AP5Z1: variants seen among roughly 807,000 people sequenced by gnomAD.
AP5Z1 encodes adaptor related protein complex 5 subunit zeta 1, also known as AP-5 complex subunit zeta-1.
A neutral mutation model predicts 83.0 loss-of-function variants in AP5Z1; 106 were observed. The ratio of observed to expected loss-of-function variants is 1.28; its 90% confidence interval spans 1.09 to 1.50. The LOEUF (loss-of-function observed/expected upper bound fraction) is 1.50, where lower values mean the gene tolerates loss of function less well. Among genes scored for constraint, AP5Z1 ranks in the 40% most tolerant of loss-of-function variants. AP5Z1 has a pLI of 0.00. For missense variants in AP5Z1, 1,565 were observed against 1,094.2 expected (o/e 1.43, Z -6.07); for synonymous variants, 751 against 514.1 (o/e 1.46, Z -6.23).
intron 3 of AP5Z1, 99 bp from the exon 4 acceptor site, chr7:4,783,217 G>A (rs1014328336): frequency 1.8e-5 from 26 of 1,452,818 alleles, no homozygotes; most frequent in African/African-American, 2.8e-5. Flanking sequence ...GGGTCTCAGC[G>A]ACCGACGCTT....
Position 4,791,698 on chromosome 7 carries a change from G to GT in AP5Z1, c.*318dup. 2 of 450,052 alleles carry GT rather than the reference G, an allele frequency of 4.4e-6. No individual in the cohort carries two copies. The highest frequency in any genetic ancestry group is 7.9e-6 in the Non-Finnish European group (2 of 252,758). 27.9% of individuals were successfully genotyped at this position (450,052 alleles called of 1,614,324 possible). Reference sequence around the variant, plus strand: ...TGCTGGGTCTGTTTCCTAGTCTTTTGTTTTTGGACAGTTGATGGGCAAGAA... The same window carrying GT: ...TGCTGGGTCTGTTTCCTAGTCTTTTGTTTTTTGGACAGTTGATGGGCAAGAA... On this transcript the variant is annotated 3_prime_UTR_variant, in exon 17 of 17. Transcript: ENST00000649063.
chr7:4,788,063 T>G, intron 11 of AP5Z1, 91 bp from the exon 12 acceptor site: 1 of 1,441,034 alleles, frequency 6.9e-7, no homozygotes, highest in Non-Finnish European at 9.1e-7. Flanking sequence ...TGCTGTGATA[T>G]TAGGGACACC....
chr7:4,788,123 C>G, intron 11 of AP5Z1, 31 bp from the exon 12 acceptor site: 2 of 1,499,514 alleles, frequency 1.3e-6, no homozygotes, highest in South Asian at 1.3e-5. Flanking sequence ...GGGCCGCATC[C>G]CAGCCTGGCC....
chr7:4,782,014 A>C (rs537798815), intron 3 of AP5Z1, among the ~76,000 whole-genome samples: 46 of 152,262 alleles, frequency 3.0e-4, no homozygotes, highest in African/African-American at 1.0e-3. Flanking sequence ...TGAGACAGCG[A>C]GTCAGTGGAG....
At chr7:4,789,777 C>G in intron 13 of AP5Z1, 55 bp from the exon 14 acceptor site, 1 of 1,446,262 alleles carries the variant, frequency 6.9e-7, no homozygotes, top group Non-Finnish European at 9.5e-7. Flanking sequence ...CACCCCCAAC[C>G]TTAGGGCCTG....
At chr7:4,780,768 G>A (rs1170925127) in intron 1 of AP5Z1, among the ~76,000 whole-genome samples, 1 of 151,664 alleles carries the variant, frequency 6.6e-6, no homozygotes, top group African/African-American at 2.4e-5. Context: ...TCCATCTCGG[G>A]GAAAAAAAAA....
chr7:4,781,769 A>G lies in AP5Z1; in HGVS notation c.366+15A>G, dbSNP rs952491125. 3 of 1,536,690 alleles carry G rather than the reference A, an allele frequency of 2.0e-6. No individual in the cohort carries two copies. Among genetic ancestry groups the G allele is most frequent in the Non-Finnish European group, 2.6e-6 (3 of 1,133,292 alleles). On this transcript the variant is annotated intron_variant, in intron 3 of 16. Coordinates refer to ENST00000649063, the MANE Select transcript of AP5Z1 (RefSeq NM_014855.3). Reference sequence around the variant, plus strand: ...TCTTGGCCCAGGTAGCGCAGCAGTCACCACCCCAGTTGGCACCGGATGGCT... The same window carrying G: ...TCTTGGCCCAGGTAGCGCAGCAGTCGCCACCCCAGTTGGCACCGGATGGCT...
At chr7:4,788,410 C>G (rs1216215515) in intron 12 of AP5Z1, 116 bp downstream of exon 12, 1 of 1,283,938 alleles carries the variant, frequency 7.8e-7, no homozygotes, top group Non-Finnish European at 1.0e-6. Flanking sequence ...GTGTCCCACA[C>G]AAGGCTGCGT....
chr7:4,776,590 C>G (rs1012821150), intron 1 of AP5Z1, among the ~76,000 whole-genome samples: 4 of 149,494 alleles, frequency 2.7e-5, no homozygotes, highest in African/African-American at 9.9e-5. Context: ...AAAAAATTAG[C>G]CGGGCGTGGT....
chr7:4,789,911 A>C lies in AP5Z1; in HGVS notation c.1787A>C (p.Tyr596Ser), dbSNP rs189075558. ...GACTCGCTCTACCCGGCCCCAGGGT[A>C]CGCTGCCGGTGTGCACAGGTAGGTC... ...RSDSLYPAPG[Y>S]AAGVHSVLSS... Residue 596 changes from tyrosine (Y) to serine (S), a missense_variant, in exon 14 of 17, where the codon TAC becomes TCC. Physicochemically the swap from Tyr to Ser is moderately radical, Grantham distance 144 (BLOSUM62 -2). Coordinates refer to ENST00000649063, the MANE Select transcript of AP5Z1 (RefSeq NM_014855.3). 27 of 1,548,286 alleles carry C rather than the reference A, an allele frequency of 1.7e-5. No homozygotes were observed. The African/African-American group carries it at 3.4e-4, about 20-fold the overall frequency.
chr7:4,786,562 T>G (rs1781551387), intron 10 of AP5Z1, 134 bp downstream of exon 10: 1 of 1,016,406 alleles, frequency 9.8e-7, no homozygotes, highest in Non-Finnish European at 1.4e-6. Flanking sequence ...TGGAATGCGG[T>G]GTGCAGGGTG....
rs372643424 is a variant in AP5Z1, at chr7:4,791,407, C to T, written c.*22C>T. The stretch of plus-strand genomic sequence containing the variant: ...GTGAAGGGACAGTGGCCAGGGACTT[C>T]GGTGCAGATTAAGAGCCTGGGCAGC... On this transcript the variant is annotated 3_prime_UTR_variant, in exon 17 of 17. Coordinates refer to ENST00000649063, the MANE Select transcript of AP5Z1 (RefSeq NM_014855.3). 93 of 1,589,152 alleles carry T rather than the reference C, an allele frequency of 5.9e-5. No individual in the cohort carries two copies. The highest frequency in any genetic ancestry group is 2.4e-4 in the Admixed American group (14 of 57,642).
Position 4,790,486 on chromosome 7 carries a change from G to C in AP5Z1, c.1833G>C (p.Leu611=). 2 of 1,613,194 alleles carry C rather than the reference G, an allele frequency of 1.2e-6. No homozygotes were observed. Among genetic ancestry groups the C allele is most frequent in the Non-Finnish European group, 1.7e-6 (2 of 1,179,860 alleles). ...TGCTGAGTTCTCAGTTCCTGGCCCT[G>C]TGTACGCTGAAACCCTCCCTGGTGG... ...HSVLSSQFLA[L]CTLKPSLVVE... The change falls in exon 15 of 17, where the codon CTG becomes CTC. Residue 611 remains leucine, a synonymous_variant. Coordinates refer to ENST00000649063, the MANE Select transcript of AP5Z1 (RefSeq NM_014855.3).
In AP5Z1 at chr7:4,791,486, G is replaced by C; in HGVS notation, c.*101G>C. The C allele has an allele frequency of 2.1e-6, 3 of 1,457,092 alleles. No homozygotes were observed. The highest frequency in any genetic ancestry group is 2.7e-6 in the Non-Finnish European group (3 of 1,094,910). 90.3% of individuals were successfully genotyped at this position (1,457,092 alleles called of 1,614,324 possible). A position where few individuals can be genotyped will look rare whatever the true frequency, so the allele number is the denominator to read the frequency against. On this transcript the variant is annotated 3_prime_UTR_variant, in exon 17 of 17. Coordinates refer to ENST00000649063, the MANE Select transcript of AP5Z1 (RefSeq NM_014855.3). Reference sequence around the variant, plus strand: ...GAGCTCAGGAGGGCGCGGGAGTCCTGGGAGAGGAGGCAAGGCCCACGGTGG... The same window carrying C: ...GAGCTCAGGAGGGCGCGGGAGTCCTCGGAGAGGAGGCAAGGCCCACGGTGG...
At chr7:4,779,063 T>G (rs893234200) in intron 1 of AP5Z1, among the ~76,000 whole-genome samples, 2 of 140,450 alleles carry the variant, frequency 1.4e-5, no homozygotes, top group Non-Finnish European at 3.1e-5. Flanking sequence ...TAGATAGATA[T>G]AAAAATATAT....
chr7:4,789,066 C>A, intron 13 of AP5Z1, 115 bp downstream of exon 13: 1 of 892,174 alleles, frequency 1.1e-6, no homozygotes, highest in Non-Finnish European at 1.7e-6. Flanking sequence ...CCGCCACACC[C>A]ACCATCCACG....
intron 13 of AP5Z1, 73 bp downstream of exon 13, chr7:4,789,024 G>A: frequency 7.5e-7 from 1 of 1,341,310 alleles, no homozygotes. Context: ...CCAGCACTGG[G>A]GGGCCCTCTT....
intron 1 of AP5Z1, among the ~76,000 whole-genome samples, chr7:4,777,071 C>A (rs183900222): frequency 6.6e-6 from 1 of 152,112 alleles, no homozygotes; most frequent in Admixed American, 6.6e-5. Context: ...TCAAAATAAC[C>A]CTTAAGAGTC....
At chr7:4,782,554 T>C (rs1452467957) in intron 3 of AP5Z1, among the ~76,000 whole-genome samples, 1 of 152,064 alleles carries the variant, frequency 6.6e-6, no homozygotes, top group African/African-American at 2.4e-5. Flanking sequence ...CTGCGGTTGC[T>C]TTAGTTCTGT....
Sources: gnomAD v4.1 joint callset for allele counts (sites outside exome capture counted in the v4.1 genomes callset) on GRCh38, gnomAD v4.1.1 for gene constraint, MANE v1.5 for transcripts, NCBI Gene and HGNC (gene_info 2026-07-23, HGNC 2026-07-21) for gene names.